Variants in VWA3B observed in about 807,000 individuals in gnomAD.
The protein encoded by VWA3B is von Willebrand factor A domain containing 3B.
In VWA3B, 138 loss-of-function variants were observed where a neutral mutation model predicts 158.3. The ratio of observed to expected loss-of-function variants is 0.87; its 90% CI spans 0.76 to 1.00. The LOEUF (loss-of-function observed/expected upper bound fraction) is 1.00. VWA3B is among the 50% of genes least tolerant of loss of function. The pLI, the probability that VWA3B is intolerant of heterozygous loss-of-function variation, is 0.00. For synonymous variants in VWA3B, 596 were observed against 587.3 expected, an observed-to-expected ratio of 1.01 and a Z score of -0.21; for missense variants, 1,555 against 1,565.1, an observed-to-expected ratio of 0.99 and a Z score of 0.11.
chr2:98,305,539 C>T lies in VWA3B; in HGVS notation c.3521+1737C>T, dbSNP rs77886535. ...GGGAAGGGCATTGTTTCCAACCACC[C>T]CCTGGATATTTCCACCTGAGTGTAC... On this transcript the variant is annotated intron_variant, in intron 26 of 27. Coordinates refer to ENST00000477737, the MANE Select transcript of VWA3B (RefSeq NM_144992.5). Among the ~76,000 whole-genome samples the T allele has an allele frequency of 8.7e-3, 1,320 of 152,232 alleles. 18 individuals carry two copies. Among genetic ancestry groups the T allele is most frequent in the African/African-American group, 0.03 (1,244 of 41,512 alleles).
intron 19 of VWA3B, chr2:98,245,625 TTTTC>T: frequency 2.2e-6 from 1 of 456,696 alleles, no homozygotes; most frequent in South Asian, 1.5e-5. Context: ...AGCAGTGGGT[TTTTC>T]TTAAATACAT....
intron 19 of VWA3B, among the ~76,000 whole-genome samples, chr2:98,239,911 T>TA (rs1203490437): frequency 6.9e-4 from 94 of 135,806 alleles, no homozygotes; most frequent in East Asian, 1.0e-3. Flanking sequence ...AGACTTCATC[T>TA]AAAAAAAAAA....
chr2:98,201,724 GTGTTTTC>G (rs1221510518), intron 12 of VWA3B, among the ~76,000 whole-genome samples: 2 of 152,108 alleles, frequency 1.3e-5, no homozygotes, highest in African/African-American at 2.4e-5. Flanking sequence ...TTTTGTAAAT[GTGTTTTC>G]TGCATCTGTT....
chr2:98,170,059 C>T (rs909186984), intron 8 of VWA3B, among the ~76,000 whole-genome samples: 2 of 151,912 alleles, frequency 1.3e-5, no homozygotes, highest in East Asian at 1.9e-4. Context: ...AGTGGGGAGT[C>T]GAGGTGGCAG....
chr2:98,130,294 C>T (rs1011181513), intron 6 of VWA3B, among the ~76,000 whole-genome samples: 1 of 152,138 alleles, frequency 6.6e-6, no homozygotes, highest in African/African-American at 2.4e-5. Flanking sequence ...AATATACAAT[C>T]GGGCTTTACA....
rs115058841 is a variant in VWA3B at position 98,110,704 on chromosome 2, C to T, written c.197-4948C>T. 3.7e-3 allele frequency among the ~76,000 whole-genome samples: 569 copies of T among 152,224 alleles called. 5 individuals carry two copies. The highest frequency in any genetic ancestry group is 0.013 in the African/African-American group (537 of 41,538). ...CATCATCTGAAGAGTGCACATTGTA[C>T]CCAATAAGCAATATTTCATCCTTCA... On this transcript the variant is annotated intron_variant, in intron 2 of 27. Coordinates refer to ENST00000477737, the MANE Select transcript of VWA3B (RefSeq NM_144992.5).
chr2:98,163,322 G>A (rs1423141790), intron 8 of VWA3B, among the ~76,000 whole-genome samples: 1 of 152,108 alleles, frequency 6.6e-6, no homozygotes, highest in African/African-American at 2.4e-5. Context: ...GGTGGATCAC[G>A]AGGTCAGGAG....
intron 9 of VWA3B, 134 bp downstream of exon 9, chr2:98,181,346 G>T (rs1680564771): frequency 1.0e-6 from 1 of 955,342 alleles, no homozygotes; most frequent in South Asian, 1.7e-5. Context: ...TGAAGAACAG[G>T]GTTCCTCTGT....
chr2:98,147,167 TACATCAGA>T (rs2105141229), intron 7 of VWA3B, among the ~76,000 whole-genome samples: 1 of 152,374 alleles, frequency 6.6e-6, no homozygotes, highest in Admixed American at 6.5e-5. Flanking sequence ...CTCTTACTAC[TACATCAGA>T]TATCTCCTGA....
chr2:98,241,357 G>A (rs868210087), intron 19 of VWA3B, among the ~76,000 whole-genome samples: 4 of 151,976 alleles, frequency 2.6e-5, no homozygotes, highest in Admixed American at 6.6e-5. Flanking sequence ...GGGAATGGAG[G>A]GGTTGTTAGC....
At chr2:98,326,116 A>C in the VWA3B span, among the ~76,000 whole-genome samples, 6 of 152,232 alleles carry the variant, frequency 3.9e-5, no homozygotes, top group Non-Finnish European at 8.8e-5. Context: ...CGCAAGGTAA[A>C]ATGACAACCA....
intron 19 of VWA3B, among the ~76,000 whole-genome samples, chr2:98,247,388 A>T (rs889234999): frequency 6.6e-6 from 1 of 152,154 alleles, no homozygotes; most frequent in African/African-American, 2.4e-5. Flanking sequence ...TTAATTAGTC[A>T]TTAAAAACCT....
chr2:98,194,704 C>G (rs955615989), intron 12 of VWA3B, among the ~76,000 whole-genome samples: 2 of 152,174 alleles, frequency 1.3e-5, no homozygotes, highest in African/African-American at 2.4e-5. Flanking sequence ...TTATTCTTAT[C>G]TACTCACAGT....
chr2:98,090,441 A>G (rs573898058), intron 1 of VWA3B, among the ~76,000 whole-genome samples: 1 of 152,248 alleles, frequency 6.6e-6, no homozygotes, highest in Non-Finnish European at 1.5e-5. Context: ...TTATCCACGC[A>G]TAACTTATAC....
chr2:98,307,274 A>C (rs1690582780), intron 26 of VWA3B, among the ~76,000 whole-genome samples: 1 of 152,260 alleles, frequency 6.6e-6, no homozygotes, highest in African/African-American at 2.4e-5. Context: ...CAAAGGAGAC[A>C]GGGTCATTTA....
intron 22 of VWA3B, 144 bp downstream of exon 22, chr2:98,271,027 A>G: frequency 1.3e-6 from 1 of 780,498 alleles, no homozygotes; most frequent in Admixed American, 2.9e-5. Flanking sequence ...TTAAGGTCTC[A>G]GTACTTTTTT....
intron 26 of VWA3B, among the ~76,000 whole-genome samples, chr2:98,306,099 T>G (rs755286517): frequency 2.6e-5 from 4 of 152,134 alleles, no homozygotes; most frequent in African/African-American, 4.8e-5. Context: ...AGATTAAGTA[T>G]TCTCCCTGGA....
At chr2:98,237,725 C>T (rs924873228) in intron 19 of VWA3B, among the ~76,000 whole-genome samples, 26 of 152,146 alleles carry the variant, frequency 1.7e-4, no homozygotes, top group African/African-American at 6.0e-4. Flanking sequence ...CAGCAACTAA[C>T]GATTTAAATA....
At chr2:98,268,170 A>G (rs1019644880) in intron 21 of VWA3B, among the ~76,000 whole-genome samples, 24 of 151,472 alleles carry the variant, frequency 1.6e-4, no homozygotes, top group Non-Finnish European at 3.2e-4. Flanking sequence ...AAAAGAGGGA[A>G]TCCTCCCTAA....
Sources: gnomAD v4.1 joint callset for allele counts (sites outside exome capture counted in the v4.1 genomes callset) on GRCh38, gnomAD v4.1.1 for gene constraint, MANE v1.5 for transcripts, NCBI Gene and HGNC (gene_info 2026-07-23, HGNC 2026-07-21) for gene names.